CHRNA7: variants seen among roughly 807,000 people sequenced by gnomAD.
CHRNA7 encodes neuronal acetylcholine receptor subunit alpha-7.
A neutral mutation model predicts 48.0 loss-of-function variants in CHRNA7; 17 were observed. The observed-to-expected ratio is 0.35, with a 90% confidence interval of 0.24 to 0.53. CHRNA7 has a LOEUF of 0.53. Ranked by LOEUF, CHRNA7 falls within the 20% of genes least tolerant of loss-of-function variation. CHRNA7 has a pLI of 0.92. For missense variants in CHRNA7, 155 were observed against 577.7 expected, an observed-to-expected ratio of 0.27 and a Z score of 7.50; for synonymous variants, 75 against 242.3, an observed-to-expected ratio of 0.31 and a Z score of 6.41.
intron 4 of CHRNA7, among the ~76,000 whole-genome samples, chr15:32,143,120 G>A (rs1358238193): frequency 1.3e-5 from 2 of 152,160 alleles, no homozygotes; most frequent in African/African-American, 4.8e-5. Flanking sequence ...TACGTTGTGT[G>A]TCTTTGTTCT....
At chr15:32,043,709 A>C (rs886800332) in intron 2 of CHRNA7, among the ~76,000 whole-genome samples, 4 of 152,134 alleles carry the variant, frequency 2.6e-5, no homozygotes, top group Admixed American at 2.0e-4. Flanking sequence ...AAACCTTATA[A>C]GATTATAATT....
intron 2 of CHRNA7, among the ~76,000 whole-genome samples, chr15:32,034,006 A>C (rs1199826359): frequency 1.3e-5 from 2 of 152,246 alleles, no homozygotes. Context: ...AATTCTGAGA[A>C]TTAACAGAAA....
chr15:32,057,675 C>T (rs4779970), intron 2 of CHRNA7, among the ~76,000 whole-genome samples: 135,542 of 152,244 alleles, frequency 0.89, 60,859 homozygotes, highest in South Asian at 0.97. Context: ...CAAATGTTGA[C>T]ACTCCTCAAC....
intron 4 of CHRNA7, among the ~76,000 whole-genome samples, chr15:32,147,547 T>C (rs2141350509): frequency 6.6e-6 from 1 of 152,314 alleles, no homozygotes; most frequent in South Asian, 2.1e-4. Flanking sequence ...AGCATGACCC[T>C]GTCTCAAAAT....
chr15:32,043,650 C>A (rs964828134), intron 2 of CHRNA7, among the ~76,000 whole-genome samples: 1 of 152,058 alleles, frequency 6.6e-6, no homozygotes, highest in Non-Finnish European at 1.5e-5. Flanking sequence ...TCCATAATTC[C>A]AATTTATCTA....
At chr15:32,116,723 C>T (rs2050878396) in intron 4 of CHRNA7, among the ~76,000 whole-genome samples, 1 of 152,242 alleles carries the variant, frequency 6.6e-6, no homozygotes, top group African/African-American at 2.4e-5. Context: ...GCCTCACCCT[C>T]TCTGGGCTTC....
intron 4 of CHRNA7, among the ~76,000 whole-genome samples, chr15:32,143,426 A>C (rs1346963848): frequency 6.6e-6 from 1 of 152,178 alleles, no homozygotes; most frequent in East Asian, 1.9e-4. Flanking sequence ...TTCTGTAGAT[A>C]TCTATTAGGT....
intron 4 of CHRNA7, among the ~76,000 whole-genome samples, chr15:32,113,640 T>C (rs2050799855): frequency 6.6e-6 from 1 of 152,184 alleles, no homozygotes. Flanking sequence ...ACACTTAGTC[T>C]GGCACTTGGA....
chr15:32,105,069 C>CA (rs2050640484), intron 3 of CHRNA7, among the ~76,000 whole-genome samples: 1 of 152,210 alleles, frequency 6.6e-6, no homozygotes, highest in African/African-American at 2.4e-5. Flanking sequence ...CACAAATAAA[C>CA]ATCCTTGCTT....
At chr15:32,050,958 G>A (rs1197030050) in intron 2 of CHRNA7, among the ~76,000 whole-genome samples, 8 of 151,420 alleles carry the variant, frequency 5.3e-5, no homozygotes, top group East Asian at 1.9e-4. Flanking sequence ...CTGCAGAACC[G>A]CGGATTTTCA....
At chr15:32,061,524 AAGGCC>A (rs1210859715) in intron 2 of CHRNA7, among the ~76,000 whole-genome samples, 1 of 152,182 alleles carries the variant, frequency 6.6e-6, no homozygotes, top group Non-Finnish European at 1.5e-5. Flanking sequence ...AAAATGAGAT[AAGGCC>A]AGGTACGGTG....
intron 2 of CHRNA7, among the ~76,000 whole-genome samples, chr15:32,093,592 G>A (rs1288530225): frequency 3.3e-5 from 5 of 152,118 alleles, no homozygotes; most frequent in Non-Finnish European, 7.3e-5. Context: ...GGATTTCACA[G>A]GGGAAACAAA....
chr15:32,040,037 T>G (rs1201748073), intron 2 of CHRNA7, among the ~76,000 whole-genome samples: 3 of 152,166 alleles, frequency 2.0e-5, no homozygotes, highest in African/African-American at 7.2e-5. Context: ...TGCTTTGAAG[T>G]ACGCTCTATC....
At chr15:32,142,868 C>T (rs1051168584) in intron 4 of CHRNA7, among the ~76,000 whole-genome samples, 19 of 151,972 alleles carry the variant, frequency 1.3e-4, no homozygotes, top group African/African-American at 4.6e-4. Flanking sequence ...TCAAAAAACC[C>T]GTTCCTGGAT....
In CHRNA7 at chr15:32,172,347, CTT is replaced by C. The variant is rs1157034394; in HGVS notation, c.*3890_*3891del. The C allele has an allele frequency of 9.1e-5, 2 of 22,040 alleles. No individual in the cohort carries two copies. The highest frequency in any genetic ancestry group is 6.3e-4 in the Admixed American group (1 of 1,576). 1.4% of individuals were successfully genotyped at this position (22,040 alleles called of 1,614,324 possible). ...TTGACTTCTCCTTTCCAATGTGTCT[CTT>C]ATTTCTTTCTTGTATCTAGTTGATT... On this transcript the variant is annotated 3_prime_UTR_variant, in exon 10 of 10. Coordinates refer to ENST00000306901, the MANE Select transcript of CHRNA7 (RefSeq NM_000746.6).
rs551091364 is a variant in CHRNA7, at chr15:32,101,734, G to A, written c.240+387G>A. On this transcript the variant is annotated intron_variant, in intron 3 of 9. Transcript: ENST00000306901. The stretch of plus-strand genomic sequence containing the variant: ...CTCCGGAGCTGCATGTTTGAATCAG[G>A]TGGAGTGTTCCGAAACCAGAGGCCC... 7 of 183,706 alleles carry A rather than the reference G, an allele frequency of 3.8e-5. No individual in the cohort carries two copies. In the East Asian group the frequency reaches 9.7e-4, roughly 25 times the overall value. 11.4% of individuals were successfully genotyped at this position (183,706 alleles called of 1,614,324 possible).
chr15:32,037,197 C>A (rs1902134015), intron 2 of CHRNA7, among the ~76,000 whole-genome samples: 1 of 152,184 alleles, frequency 6.6e-6, no homozygotes, highest in South Asian at 2.1e-4. Flanking sequence ...ATCTTTGCTC[C>A]ATTTTATTGC....
At chr15:32,049,393 T>G (rs1433028479) in intron 2 of CHRNA7, among the ~76,000 whole-genome samples, 1 of 152,196 alleles carries the variant, frequency 6.6e-6, no homozygotes, top group Non-Finnish European at 1.5e-5. Context: ...CCCTTTACCA[T>G]TATGTAATGG....
In CHRNA7 at chr15:32,055,543, A is replaced by ACCCACT. The variant is rs2049772147; in HGVS notation, c.195+24511_195+24516dup. On this transcript the variant is annotated intron_variant, in intron 2 of 9. Coordinates refer to ENST00000306901, the MANE Select transcript of CHRNA7 (RefSeq NM_000746.6). ...GCTAAACCTGCTCCCTTCATAATGA[A>ACCCACT]CCCACTCCCAAGGTAACTGCATTAG... Among the ~76,000 whole-genome samples, 5 of 152,180 alleles carry ACCCACT rather than the reference A, an allele frequency of 3.3e-5. No homozygotes were observed. In the South Asian group the frequency reaches 1.0e-3, roughly 32 times the overall value.
Sources: allele counts gnomAD v4.1 joint callset (sites outside exome capture counted in the v4.1 genomes callset), GRCh38; gene constraint gnomAD v4.1.1; transcripts MANE v1.5; gene names NCBI Gene and HGNC (gene_info 2026-07-23, HGNC 2026-07-21).